LRRC47: variants seen among roughly 807,000 people sequenced by gnomAD.
LRRC47 encodes the protein leucine rich repeat containing 47, also known as leucine-rich repeat-containing protein 47.
Under a neutral mutation model 40.9 loss-of-function variants are expected in LRRC47, and 31 were observed. The observed-to-expected ratio is 0.76, with a 90% CI of 0.57 to 1.02. The LOEUF (loss-of-function observed/expected upper bound fraction) is 1.02, where lower values mean the gene tolerates loss of function less well. LRRC47 is among the 50% of genes least tolerant of loss of function. The pLI, the probability that LRRC47 is intolerant of heterozygous loss-of-function variation, is 0.00. For missense variants in LRRC47, 726 were observed against 796.1 expected, an observed-to-expected ratio of 0.91 and a Z score of 1.06; for synonymous variants, 427 against 371.9, an observed-to-expected ratio of 1.15 and a Z score of -1.70.
chr1:3,783,374 C>T (rs1489618702), intron 4 of LRRC47, among the ~76,000 whole-genome samples: 1 of 140,622 alleles, frequency 7.1e-6, no homozygotes, highest in Non-Finnish European at 1.5e-5. Flanking sequence ...GAGCCAAGAT[C>T]GTGCCATTGC....
chr1:3,789,807 G>C (rs2124613232), intron 1 of LRRC47, among the ~76,000 whole-genome samples: 1 of 152,364 alleles, frequency 6.6e-6, no homozygotes, highest in African/African-American at 2.4e-5. Flanking sequence ...TGCTGACGAG[G>C]TCGCACGCTG....
At chr1:3,788,894 G>C (rs577275684) in intron 1 of LRRC47, among the ~76,000 whole-genome samples, 1 of 152,328 alleles carries the variant, frequency 6.6e-6, no homozygotes, top group Non-Finnish European at 1.5e-5. Flanking sequence ...ACGCCTGCTG[G>C]GGAAGAACAC....
At chr1:3,789,725 C>CA (rs1390691279) in intron 1 of LRRC47, among the ~76,000 whole-genome samples, 1 of 152,210 alleles carries the variant, frequency 6.6e-6, no homozygotes, top group Non-Finnish European at 1.5e-5. Flanking sequence ...AGAGGGAGGG[C>CA]AAGAGAGTCA....
Position 3,780,841 on chromosome 1 carries a change from T to G in LRRC47, c.*247A>C, listed in dbSNP as rs557472216. On this transcript the variant is annotated 3_prime_UTR_variant, in exon 7 of 7. Coordinates refer to ENST00000378251, the MANE Select transcript of LRRC47 (RefSeq NM_020710.3). ...AAATACAAAAATTAGCTGAGCTTAG[T>G]GGCACACACCTGTAGTCCCAGCTAC... The G allele has an allele frequency of 3.9e-6, 2 of 517,742 alleles. No individual in the cohort carries two copies. Among genetic ancestry groups the G allele is most frequent in the East Asian group, 7.0e-5 (2 of 28,664 alleles). The allele number at this position is 517,742 out of a possible 1,614,324, so 32.1% of individuals were successfully genotyped here.
chr1:3,782,220 C>CTT (rs146141267), intron 5 of LRRC47, among the ~76,000 whole-genome samples: 1 of 147,458 alleles, frequency 6.8e-6, no homozygotes. Context: ...TCTTCCTCTT[C>CTT]TTTTTTTTTT....
At position 3,786,988 on chromosome 1, in the gene LRRC47, T is replaced by C. The variant is rs1020806800; in HGVS notation, c.938A>G (p.His313Arg). 6.2e-7 allele frequency: 1 copy of C among 1,611,902 alleles called. No homozygotes were observed. The highest frequency in any genetic ancestry group is 1.3e-5 in the African/African-American group (1 of 74,984). ...CAGAGGTACGGGGTTTTCAGAGACGTGCAGGACCCTGAGCAGCAGCCGGCC... is the reference window on the plus strand; with the variant it reads ...CAGAGGTACGGGGTTTTCAGAGACGCGCAGGACCCTGAGCAGCAGCCGGCC... Reference protein sequence around the residue: ...DAGRLLLRVLHVSENPVPLTV... With the variant: ...DAGRLLLRVLRVSENPVPLTV... Residue 313 changes from histidine (H) to arginine (R), a missense_variant, in exon 2 of 7, where the codon CAC becomes CGC. Physicochemically the swap from His to Arg is conservative, Grantham distance 29. Coordinates refer to ENST00000378251, the MANE Select transcript of LRRC47 (RefSeq NM_020710.3).
rs1433149757 is a variant in LRRC47 at position 3,779,963 on chromosome 1, T to G, written c.*1125A>C. ...CCAATTCTAAGGTCACATTAAAACT[T>G]TTCCCCCCAAGATTATGATCACTGC... On this transcript the variant is annotated 3_prime_UTR_variant, in exon 7 of 7. Transcript: ENST00000378251. 5 of 152,082 alleles carry G rather than the reference T, an allele frequency of 3.3e-5. No individual in the cohort carries two copies. Among genetic ancestry groups the G allele is most frequent in the Non-Finnish European group, 7.4e-5 (5 of 68,018 alleles). The allele number at this position is 152,082 out of a possible 1,614,324, so 9.4% of individuals were successfully genotyped here.
At chr1:3,787,420 CCTGT>C (rs1207548653) in intron 1 of LRRC47, 110 bp from the exon 2 acceptor site, 22 of 1,109,562 alleles carry the variant, frequency 2.0e-5, no homozygotes, top group Admixed American at 2.7e-5. Flanking sequence ...CCACCACTGG[CCTGT>C]CTGTGGGGAC....
intron 5 of LRRC47, among the ~76,000 whole-genome samples, chr1:3,782,068 G>A (rs1398368644): frequency 6.6e-6 from 1 of 152,184 alleles, no homozygotes; most frequent in South Asian, 2.1e-4. Flanking sequence ...ATCCCGGGCC[G>A]TCACGCAGCA....
In LRRC47 at chr1:3,787,032, C is replaced by T. The variant is rs1359357076; in HGVS notation, c.894G>A (p.Glu298=). ...GCCGGCCGGCATCTCCCACGTCCTGCTCCTCCCCATCACCACCTTCCCGCC... is the reference window on the plus strand; with the variant it reads ...GCCGGCCGGCATCTCCCACGTCCTGTTCCTCCCCATCACCACCTTCCCGCC... ...KQRREGGDGE[E]QDVGDAGRLL... Residue 298 remains glutamate, a synonymous_variant, in exon 2 of 7, where the codon GAG becomes GAA. Transcript: ENST00000378251. 1 of 1,612,280 alleles carries T rather than the reference C, an allele frequency of 6.2e-7. No individual in the cohort carries two copies. The highest frequency in any genetic ancestry group is 1.7e-5 in the Admixed American group (1 of 59,718).
intron 1 of LRRC47, 72 bp downstream of exon 1, chr1:3,795,790 C>A (rs1385306588): frequency 2.8e-6 from 4 of 1,433,956 alleles, no homozygotes; most frequent in Non-Finnish European, 2.7e-6. Flanking sequence ...AACTGCTCGG[C>A]CCCGAGAGGG....
At chr1:3,781,445 G>A in intron 6 of LRRC47, 67 bp downstream of exon 6, 1 of 1,573,840 alleles carries the variant, frequency 6.4e-7, no homozygotes, top group Non-Finnish European at 8.7e-7. Context: ...GGACGGGTGG[G>A]AAGTCAAGGA....
chr1:3,787,354 AAG>A (rs1427746183), intron 1 of LRRC47, 44 bp from the exon 2 acceptor site: 12 of 1,543,026 alleles, frequency 7.8e-6, no homozygotes, highest in African/African-American at 4.1e-5. Flanking sequence ...GGACTCTGGG[AAG>A]AGAGTCCAAG....
At position 3,796,054 on chromosome 1, in the gene LRRC47, C is replaced by A; in HGVS notation, c.423G>T (p.Leu141=). ...LQSLNLSGNR[L]RELPADLARC... ...GCGCCAGGTCGGCTGGCAGCTCGCGCAGCCGGTTGCCGCTGAGGTTGAGGC... is the reference window on the plus strand; with the variant it reads ...GCGCCAGGTCGGCTGGCAGCTCGCGAAGCCGGTTGCCGCTGAGGTTGAGGC... Residue 141 remains leucine (L), a synonymous_variant, in exon 1 of 7, where the codon CTG becomes CTT. Transcript: ENST00000378251. 1 of 1,539,690 alleles carries A rather than the reference C, an allele frequency of 6.5e-7. No individual in the cohort carries two copies. Among genetic ancestry groups the A allele is most frequent in the Admixed American group, 2.0e-5 (1 of 50,748 alleles).
chr1:3,782,132 C>G (rs542951183), intron 5 of LRRC47, among the ~76,000 whole-genome samples: 8 of 152,290 alleles, frequency 5.3e-5, no homozygotes, highest in African/African-American at 1.9e-4. Context: ...CCTTTGACCC[C>G]TCTGGGCTGC....
At chr1:3,795,157 A>T (rs2124616167) in intron 1 of LRRC47, among the ~76,000 whole-genome samples, 1 of 151,982 alleles carries the variant, frequency 6.6e-6, no homozygotes, top group East Asian at 1.9e-4. Context: ...GAGAAGATGG[A>T]GAGAACATCT....
At position 3,782,679 on chromosome 1, in the gene LRRC47, G is replaced by C; in HGVS notation, c.1395C>G (p.Thr465=). 1 of 1,603,086 alleles carries C rather than the reference G, an allele frequency of 6.2e-7. No homozygotes were observed. ...ACCCTACCTTTGTCTTCTCACTGTT[G>C]GTTATTGGTGGGAAGGAAATCACAT... ...DGDVISFPPI[T]NSEKTKVKKT... The change falls in exon 5 of 7, where the codon ACC becomes ACG. Residue 465 remains threonine (T), a synonymous_variant. Transcript: ENST00000378251.
intron 2 of LRRC47, among the ~76,000 whole-genome samples, chr1:3,786,239 C>T (rs949103169): frequency 7.9e-5 from 12 of 152,118 alleles, no homozygotes; most frequent in African/African-American, 1.2e-4. Flanking sequence ...GGCTGACACC[C>T]GTAATCCCCA....
intron 1 of LRRC47, among the ~76,000 whole-genome samples, chr1:3,792,171 C>T (rs1379460123): frequency 2.0e-5 from 3 of 152,222 alleles, no homozygotes; most frequent in Non-Finnish European, 4.4e-5. Context: ...TGCGTAGCTA[C>T]ATTGCTGGGC....
Sources: allele counts gnomAD v4.1 joint callset (sites outside exome capture counted in the v4.1 genomes callset), GRCh38; gene constraint gnomAD v4.1.1; transcripts MANE v1.5; gene names NCBI Gene and HGNC (gene_info 2026-07-23, HGNC 2026-07-21).